The following USP48 variants were observed in gnomAD, a reference collection of about 807,000 sequenced individuals.
USP48 encodes ubiquitin specific peptidase 48, also known as ubiquitin carboxyl-terminal hydrolase 48.
In USP48, 43 loss-of-function variants were observed where a neutral mutation model predicts 150.7. The observed-to-expected ratio is 0.29, with a 90% CI of 0.22 to 0.37. The LOEUF is 0.37. Ranked by LOEUF, USP48 falls within the 10% of genes least tolerant of loss-of-function variation. USP48 has a pLI of 1.00. For synonymous variants in USP48, 396 were observed against 425.9 expected (o/e 0.93, Z 0.86); for missense variants, 813 against 1,249.6 (o/e 0.65, Z 5.27).
intron 15 of USP48, among the ~76,000 whole-genome samples, chr1:21,707,378 C>G (rs2097675661): frequency 6.6e-6 from 1 of 152,226 alleles, no homozygotes. Flanking sequence ...CACAAGACCA[C>G]TGCCTTAAGT....
chr1:21,683,939 T>C (rs1007906350), intron 25 of USP48, among the ~76,000 whole-genome samples: 4 of 152,180 alleles, frequency 2.6e-5, no homozygotes, highest in Non-Finnish European at 4.4e-5. Context: ...GTTCCACCCA[T>C]GTTGCTGCAA....
chr1:21,701,239 G>A (rs956134941), intron 22 of USP48, among the ~76,000 whole-genome samples: 12 of 151,238 alleles, frequency 7.9e-5, no homozygotes, highest in African/African-American at 2.2e-4. Flanking sequence ...GGTGGTGGGC[G>A]CCTATAATCC....
chr1:21,689,433 G>A (rs1304549145), intron 24 of USP48, among the ~76,000 whole-genome samples: 1 of 151,924 alleles, frequency 6.6e-6, no homozygotes, highest in Non-Finnish European at 1.5e-5. Flanking sequence ...TCAATCCTCA[G>A]TGCTCAGAGG....
At chr1:21,779,621 C>T (rs2097909583) in intron 1 of USP48, among the ~76,000 whole-genome samples, 1 of 151,860 alleles carries the variant, frequency 6.6e-6, no homozygotes. Context: ...TGCTCTATAA[C>T]CAAGAGAAAT....
At chr1:21,764,078 AAC>A (rs2097856229) in intron 1 of USP48, among the ~76,000 whole-genome samples, 1 of 152,130 alleles carries the variant, frequency 6.6e-6, no homozygotes, top group Admixed American at 6.6e-5. Context: ...ACAGTAGAAA[AAC>A]AGTTATGTGT....
intron 23 of USP48, among the ~76,000 whole-genome samples, chr1:21,691,207 G>A (rs1450237658): frequency 1.3e-5 from 2 of 151,494 alleles, no homozygotes; most frequent in East Asian, 1.9e-4. Flanking sequence ...TCAGCTACTC[G>A]GGAGGCTGAG....
intron 8 of USP48, among the ~76,000 whole-genome samples, chr1:21,740,204 C>T (rs1009980185): frequency 1.9e-4 from 29 of 152,254 alleles, no homozygotes; most frequent in African/African-American, 6.8e-4. Context: ...AGCCACTGCG[C>T]CCAGGCCAGT....
intron 14 of USP48, among the ~76,000 whole-genome samples, chr1:21,717,578 T>C (rs554262489): frequency 6.6e-6 from 1 of 152,282 alleles, no homozygotes; most frequent in East Asian, 1.9e-4. Context: ...TTCTCAAGCC[T>C]AAGAAGATGG....
chr1:21,717,340 G>C (rs921412252), intron 14 of USP48, among the ~76,000 whole-genome samples: 5 of 152,076 alleles, frequency 3.3e-5, no homozygotes, highest in African/African-American at 1.2e-4. Flanking sequence ...TGAGGTGGAG[G>C]CTGCATTGAG....
chr1:21,756,446 A>G, intron 3 of USP48, 100 bp downstream of exon 3: 1 of 1,372,722 alleles, frequency 7.3e-7, no homozygotes. Context: ...GCGCCACTTC[A>G]CTCTGGCTTG....
At chr1:21,747,373 T>A (rs1449331319) in intron 7 of USP48, among the ~76,000 whole-genome samples, 1 of 152,182 alleles carries the variant, frequency 6.6e-6, no homozygotes, top group African/African-American at 2.4e-5. Context: ...ACAGCTTATT[T>A]TCCAGAAGTT....
chr1:21,776,003 T>C (rs928757848), intron 1 of USP48, among the ~76,000 whole-genome samples: 2 of 152,194 alleles, frequency 1.3e-5, no homozygotes, highest in African/African-American at 4.8e-5. Flanking sequence ...ACTAACACAT[T>C]ATGTTGGTGA....
At chr1:21,689,841 C>T in intron 24 of USP48, 133 bp downstream of exon 24, 1 of 1,264,544 alleles carries the variant, frequency 7.9e-7, no homozygotes, top group East Asian at 2.5e-5. Context: ...GCTGCAAAAA[C>T]CCACAGCAGT....
intron 8 of USP48, among the ~76,000 whole-genome samples, chr1:21,746,587 T>G (rs2097795065): frequency 6.6e-6 from 1 of 152,184 alleles, no homozygotes; most frequent in African/African-American, 2.4e-5. Context: ...CAGTACTTAT[T>G]TCTTGTTAAA....
At chr1:21,728,332 C>G (rs114758977) in intron 11 of USP48, 2 of 1,271,656 alleles carry the variant, frequency 1.6e-6, no homozygotes, top group Non-Finnish European at 2.0e-6. Flanking sequence ...AGAGTGCTGA[C>G]CTAAATGTTA....
At chr1:21,717,728 T>C (rs2097708734) in intron 14 of USP48, among the ~76,000 whole-genome samples, 1 of 151,942 alleles carries the variant, frequency 6.6e-6, no homozygotes, top group Non-Finnish European at 1.5e-5. Flanking sequence ...AGGGCTGAGG[T>C]GGGCAGATTA....
chr1:21,771,265 T>C (rs994768130), intron 1 of USP48, among the ~76,000 whole-genome samples: 1 of 151,874 alleles, frequency 6.6e-6, no homozygotes, highest in Non-Finnish European at 1.5e-5. Context: ...TCCCAGCTAC[T>C]TGGGAGGCTG....
intron 9 of USP48, among the ~76,000 whole-genome samples, chr1:21,732,284 CA>C (rs2097758827): frequency 1.3e-5 from 2 of 151,664 alleles, no homozygotes; most frequent in Admixed American, 1.3e-4. Context: ...GTCTCAAAAA[CA>C]AAAAAAGAGG....
chr1:21,738,459 C>A lies in USP48; in HGVS notation c.992-1834G>T, dbSNP rs368925776. ...CAACCTCCGCCCCCCTGGGGTCATG[C>A]GATTCTCTTGCCTCAACCTCCCAAG... On this transcript the variant is annotated intron_variant, in intron 8 of 26. Transcript: ENST00000308271. 2.1e-3 allele frequency among the ~76,000 whole-genome samples: 319 copies of A among 150,948 alleles called. 2 individuals are homozygous for A. Among genetic ancestry groups the A allele is most frequent in the African/African-American group, 6.8e-3 (279 of 41,038 alleles).
Sources: gnomAD v4.1 joint callset for allele counts (sites outside exome capture counted in the v4.1 genomes callset) on GRCh38, gnomAD v4.1.1 for gene constraint, MANE v1.5 for transcripts, NCBI Gene and HGNC (gene_info 2026-07-23, HGNC 2026-07-21) for gene names.